PLA2G12A: variants seen among roughly 807,000 people sequenced by gnomAD.
PLA2G12A encodes the protein group XIIA secretory phospholipase A2.
A neutral mutation model predicts 16.0 loss-of-function variants in PLA2G12A; 11 were observed. That is an observed-to-expected ratio of 0.69 (90% CI 0.43 to 1.13). PLA2G12A has a LOEUF of 1.13. Ranked by LOEUF, PLA2G12A falls within the 50% of genes most tolerant of loss-of-function variation. The probability of loss-of-function intolerance (pLI) is 0.00; values close to 1 mark genes in which losing one functional copy is unlikely to be tolerated. For missense variants in PLA2G12A, 214 were observed against 237.3 expected, an observed-to-expected ratio of 0.90 and a Z score of 0.65; for synonymous variants, 77 against 93.8, an observed-to-expected ratio of 0.82 and a Z score of 1.03.
At chr4:109,717,508 A>G (rs766133523) in intron 3 of PLA2G12A, 40 bp downstream of exon 3, 4 of 1,574,766 alleles carry the variant, frequency 2.5e-6, no homozygotes, top group Non-Finnish European at 2.6e-6. Flanking sequence ...ATACAACTTT[A>G]AAAAGTACAC....
At chr4:109,717,763 C>G (rs761852400) in intron 2 of PLA2G12A, 50 bp from the exon 3 acceptor site, 2 of 1,525,696 alleles carry the variant, frequency 1.3e-6, no homozygotes. Flanking sequence ...CAAAACTCCT[C>G]TGAAGTACTG....
intron 1 of PLA2G12A, among the ~76,000 whole-genome samples, chr4:109,728,860 T>C (rs1722988517): frequency 6.6e-6 from 1 of 152,222 alleles, no homozygotes; most frequent in African/African-American, 2.4e-5. Context: ...TTCTGACCTA[T>C]TAAAATATTT....
chr4:109,721,537 G>A (rs190583190), intron 1 of PLA2G12A, among the ~76,000 whole-genome samples: 5 of 152,152 alleles, frequency 3.3e-5, no homozygotes, highest in African/African-American at 4.8e-5. Context: ...GGCCAGGCTC[G>A]TCTCAAACTC....
chr4:109,715,351 TTAAAG>T (rs1352840139), intron 3 of PLA2G12A, among the ~76,000 whole-genome samples: 7 of 152,238 alleles, frequency 4.6e-5, no homozygotes, highest in Admixed American at 1.3e-4. Flanking sequence ...GTTAAGAGGC[TTAAAG>T]TAAACGGAAT....
At chr4:109,723,878 A>G (rs1039262922) in intron 1 of PLA2G12A, among the ~76,000 whole-genome samples, 22 of 152,252 alleles carry the variant, frequency 1.4e-4, no homozygotes, top group Admixed American at 8.5e-4. Flanking sequence ...ATTTAGAAGT[A>G]TATCATCTAA....
chr4:109,729,532 A>T, intron 1 of PLA2G12A, 70 bp downstream of exon 1: 1 of 1,498,058 alleles, frequency 6.7e-7, no homozygotes. Flanking sequence ...TGTCACTCAC[A>T]CCTCCAGGAT....
At chr4:109,726,899 T>C (rs1722951149) in intron 1 of PLA2G12A, among the ~76,000 whole-genome samples, 1 of 151,612 alleles carries the variant, frequency 6.6e-6, no homozygotes, top group Admixed American at 6.6e-5. Context: ...GTGCCCTTTA[T>C]TTGACCAACC....
rs1038335580 is a variant in PLA2G12A at position 109,712,693 on chromosome 4, CA to C, written c.*1683del. The C allele has an allele frequency of 4.6e-5, 7 of 152,148 alleles. No homozygotes were observed. The highest frequency in any genetic ancestry group is 1.7e-4 in the African/African-American group (7 of 41,408). The allele number at this position is 152,148 out of a possible 1,614,324, so 9.4% of individuals were successfully genotyped here. A position where few individuals can be genotyped will look rare whatever the true frequency, so the allele number is the denominator to read the frequency against. On this transcript the variant is annotated 3_prime_UTR_variant, in exon 4 of 4. Coordinates refer to ENST00000243501, the MANE Select transcript of PLA2G12A (RefSeq NM_030821.5). ...TGTATTTTTAGTAGAGACGCTGTTT[CA>C]CCATGTTGGCCAGCTGGTCTCAAAC...
intron 1 of PLA2G12A, among the ~76,000 whole-genome samples, chr4:109,720,588 AAAAAAAAAAAAAAAAAAT>A (rs1172558614): frequency 2.6e-3 from 171 of 65,230 alleles, no homozygotes; most frequent in Non-Finnish European, 3.7e-3. Flanking sequence ...AAAAAAAAAA[AAAAAAAAAAAAAAAAAAT>A]ATATATATAT....
At position 109,729,752 on chromosome 4, in the gene PLA2G12A, C is replaced by T; in HGVS notation, c.58G>A (p.Val20Ile). The change falls in exon 1 of 4, where the codon GTC becomes ATC. Residue 20 changes from valine (V) to isoleucine (I), a missense_variant. Transcript: ENST00000243501. ...TLLLLLMAAVVRCQEQAQTTD... is the reference protein window; with the variant it reads ...TLLLLLMAAVIRCQEQAQTTD... ...GTCTGGGCCTGCTCCTGGCACCTGA[C>T]AACAGCGGCCATGAGGAGGAGCAGG... 3 of 1,584,196 alleles carry T rather than the reference C, an allele frequency of 1.9e-6. No homozygotes were observed. The Middle Eastern group carries it at 6.8e-4, about 360-fold the overall frequency.
In PLA2G12A at chr4:109,729,835, C is replaced by T; in HGVS notation, c.-26G>A. ...GCGCGCAGCGCCGGGCTCTACGGGT[C>T]CCCGAGCCGCGGCGCGGGGCGCGTC... On this transcript the variant is annotated 5_prime_UTR_variant, in exon 1 of 4. Coordinates refer to ENST00000243501, the MANE Select transcript of PLA2G12A (RefSeq NM_030821.5). The T allele has an allele frequency of 6.5e-7, 1 of 1,537,602 alleles. No individual in the cohort carries two copies. Among genetic ancestry groups the T allele is most frequent in the Non-Finnish European group, 8.8e-7 (1 of 1,141,420 alleles).
chr4:109,722,700 G>A (rs1722832721), intron 1 of PLA2G12A, among the ~76,000 whole-genome samples: 1 of 152,168 alleles, frequency 6.6e-6, no homozygotes, highest in Admixed American at 6.5e-5. Context: ...AACAGACTAA[G>A]ACATTCACCT....
At position 109,714,371 on chromosome 4, in the gene PLA2G12A, T is replaced by C. The variant is rs1365108484; in HGVS notation, c.*6A>G. ...CTTCATCTGTCACTAGCTGTCGGCATCTCCTTTAAAGATCAGTTTTTTCTT... is the reference window on the plus strand; with the variant it reads ...CTTCATCTGTCACTAGCTGTCGGCACCTCCTTTAAAGATCAGTTTTTTCTT... On this transcript the variant is annotated 3_prime_UTR_variant, in exon 4 of 4. Coordinates refer to ENST00000243501, the MANE Select transcript of PLA2G12A (RefSeq NM_030821.5). 1 of 1,575,918 alleles carries C rather than the reference T, an allele frequency of 6.3e-7. No individual in the cohort carries two copies. Among genetic ancestry groups the C allele is most frequent in the East Asian group, 2.2e-5 (1 of 44,738 alleles).
chr4:109,720,627 ATATATATATATATATATG>A (rs1455355689), intron 1 of PLA2G12A, among the ~76,000 whole-genome samples: 1 of 131,432 alleles, frequency 7.6e-6, no homozygotes, highest in African/African-American at 2.9e-5. Context: ...ATATATATAT[ATATATATATATATATATG>A]AATTTTAAAA....
At chr4:109,721,677 A>G (rs1381237310) in intron 1 of PLA2G12A, among the ~76,000 whole-genome samples, 1 of 152,166 alleles carries the variant, frequency 6.6e-6, no homozygotes, top group East Asian at 1.9e-4. Flanking sequence ...ACAAGGGCCT[A>G]CAGAGGAAGG....
At chr4:109,724,450 C>G (rs903593371) in intron 1 of PLA2G12A, among the ~76,000 whole-genome samples, 2 of 151,954 alleles carry the variant, frequency 1.3e-5, no homozygotes, top group Non-Finnish European at 1.5e-5. Context: ...AGATACTTCC[C>G]TCAATGTACA....
At chr4:109,718,404 T>G (rs1357830114) in intron 2 of PLA2G12A, among the ~76,000 whole-genome samples, 1 of 152,210 alleles carries the variant, frequency 6.6e-6, no homozygotes, top group Non-Finnish European at 1.5e-5. Flanking sequence ...ACTTTTTCCC[T>G]CTAAGTAGTA....
chr4:109,712,306 A>C lies in PLA2G12A; in HGVS notation c.*2071T>G, dbSNP rs1201927056. On this transcript the variant is annotated 3_prime_UTR_variant, in exon 4 of 4. Coordinates refer to ENST00000243501, the MANE Select transcript of PLA2G12A (RefSeq NM_030821.5). ...CTTTGCAACTTTTCTGTAAATCTAA[A>C]ATTATCCCAAGTTTTTTTTTTTAAT... is the stretch of plus-strand genomic sequence containing the variant. 6.6e-6 allele frequency: 1 copy of C among 152,098 alleles called. No homozygotes were observed. The highest frequency in any genetic ancestry group is 1.5e-5 in the Non-Finnish European group (1 of 68,020). 9.4% of individuals were successfully genotyped at this position (152,098 alleles called of 1,614,324 possible).
At position 109,713,958 on chromosome 4, in the gene PLA2G12A, A is replaced by T. The variant is rs1030957554; in HGVS notation, c.*419T>A. The T allele has an allele frequency of 7.5e-5, 12 of 160,358 alleles. No homozygotes were observed. Among genetic ancestry groups the T allele is most frequent in the Admixed American group, 2.4e-4 (4 of 16,528 alleles). 9.9% of individuals were successfully genotyped at this position (160,358 alleles called of 1,614,324 possible). On this transcript the variant is annotated 3_prime_UTR_variant, in exon 4 of 4. Coordinates refer to ENST00000243501, the MANE Select transcript of PLA2G12A (RefSeq NM_030821.5). ...GTATTTAAAATTTCATAGTAAACAA[A>T]TACTTGTAAGTGATAATTTCCCCAT...
Sources: allele counts gnomAD v4.1 joint callset (sites outside exome capture counted in the v4.1 genomes callset), GRCh38; gene constraint gnomAD v4.1.1; transcripts MANE v1.5; gene names NCBI Gene and HGNC (gene_info 2026-07-23, HGNC 2026-07-21).